The following GBA2 variants were observed in gnomAD, a reference collection of about 807,000 sequenced individuals.
GBA2 encodes the protein glucosylceramidase beta 2.
GBA2 carries 79 observed loss-of-function variants against 112.9 expected under a neutral mutation model. That is an observed-to-expected ratio of 0.70 (90% CI 0.58 to 0.84). GBA2 has a LOEUF of 0.84. GBA2 is among the 40% of genes least tolerant of loss of function. GBA2 has a pLI of 0.00. For missense variants in GBA2, 1,043 were observed against 1,190.0 expected, an observed-to-expected ratio of 0.88 and a Z score of 1.82; for synonymous variants, 403 against 434.3, an observed-to-expected ratio of 0.93 and a Z score of 0.90.
Position 35,745,928 on chromosome 9 carries a change from T to C in GBA2, c.360-1222A>G, listed in dbSNP as rs111253668. 9.8e-3 allele frequency among the ~76,000 whole-genome samples: 1,496 copies of C among 152,306 alleles called. 11 individuals are homozygous for C. The highest frequency in any genetic ancestry group is 0.017 in the Middle Eastern group (5 of 294). ...AGTCCCAGTTTCCTCATCTACAAAA[T>C]GGGGATACCACCTGCTCTAGCTATC... On this transcript the variant is annotated intron_variant, in intron 1 of 16. Coordinates refer to ENST00000378103, the MANE Select transcript of GBA2 (RefSeq NM_020944.3).
At chr9:35,744,200 A>T (rs1168421746) in intron 3 of GBA2, 97 bp downstream of exon 3, 1 of 731,438 alleles carries the variant, frequency 1.4e-6, no homozygotes. Flanking sequence ...ATTGAATCTT[A>T]TTCACATCTA....
chr9:35,737,589 A>G lies in GBA2; in HGVS notation c.2506-142T>C. The G allele has an allele frequency of 6.4e-7, 1 of 1,561,266 alleles. No homozygotes were observed. Among genetic ancestry groups the G allele is most frequent in the Non-Finnish European group, 8.7e-7 (1 of 1,151,500 alleles). On this transcript the variant is annotated intron_variant, in intron 16 of 16. Coordinates refer to ENST00000378103, the MANE Select transcript of GBA2 (RefSeq NM_020944.3). The surrounding 1 kb of genome is among the most constrained non-coding windows in gnomAD (Gnocchi z 4.1). ...GAGATAACTATGACCCACAGACAGA[A>G]GCCTGAAGGCAGGAGCTGGAATGCA...
Position 35,739,663 on chromosome 9 carries a change from G to T in GBA2, c.1547C>A (p.Thr516Asn), listed in dbSNP as rs760188888. 1 of 1,614,148 alleles carries T rather than the reference G, an allele frequency of 6.2e-7. No homozygotes were observed. Among genetic ancestry groups the T allele is most frequent in the Non-Finnish European group, 8.5e-7 (1 of 1,180,012 alleles). ...LGRNMCHLRP[T>N]LRDYGRFGYL... ...GCCAAATCGACCGTAGTCCCGTAGG[G>T]TGGGGCGGAGGTGACACATGTTTCT... is the stretch of plus-strand genomic sequence containing the variant. Residue 516 changes from threonine (T) to asparagine (N), a missense_variant, in exon 9 of 17, where the codon ACC becomes AAC. Thr to Asn is a moderately conservative substitution (Grantham distance 65). Transcript: ENST00000378103.
Position 35,739,011 on chromosome 9 carries a change from C to T in GBA2, c.1786G>A (p.Gly596Arg). The change falls in exon 11 of 17, where the codon GGG becomes AGG. Residue 596 changes from glycine (G) to arginine (R), a missense_variant. Physicochemically the swap from Gly to Arg is moderately radical, Grantham distance 125. Transcript: ENST00000378103. ...TGGGGTGGACTTTTACCTGGGTCCC[C>T]AATATCATGGGGGATGACGTTCCTC... ...KRRNVIPHDIGDPDDEPWLRV... is the reference protein window; with the variant it reads ...KRRNVIPHDIRDPDDEPWLRV... 1.2e-6 allele frequency: 2 copies of T among 1,612,154 alleles called. No individual in the cohort carries two copies. Among genetic ancestry groups the T allele is most frequent in the East Asian group, 4.5e-5 (2 of 44,848 alleles).
rs1327339407 is a variant in GBA2 at position 35,737,532 on chromosome 9, CTT to C, written c.2506-87_2506-86del. On this transcript the variant is annotated intron_variant, in intron 16 of 16. Transcript: ENST00000378103. The surrounding 1 kb of genome is among the most constrained non-coding windows in gnomAD (Gnocchi z 4.1). Reference sequence around the variant, plus strand: ...ACTGGATAGATGGAGGCAGTAGAGTCTTTGCCTTCAAGGAGCTCCCAGCAAGT... The same window carrying C: ...ACTGGATAGATGGAGGCAGTAGAGTCTGCCTTCAAGGAGCTCCCAGCAAGT... 1 of 1,564,032 alleles carries C rather than the reference CTT, an allele frequency of 6.4e-7. No individual in the cohort carries two copies. Among genetic ancestry groups the C allele is most frequent in the Admixed American group, 1.9e-5 (1 of 52,170 alleles).
At chr9:35,748,121 C>T (rs1827081394) in intron 1 of GBA2, among the ~76,000 whole-genome samples, 1 of 152,242 alleles carries the variant, frequency 6.6e-6, no homozygotes, top group Non-Finnish European at 1.5e-5. Context: ...AATGTTCCTA[C>T]CCTTTCCTTC....
rs958914312 is a variant in GBA2 at position 35,741,424 on chromosome 9, A to G, written c.786+248T>C. On this transcript the variant is annotated intron_variant, in intron 4 of 16. Transcript: ENST00000378103. The surrounding 1 kb of genome is among the most constrained non-coding windows in gnomAD (Gnocchi z 4.6). ...ATTATCCTGCCTCAGCCTCCCGAGT[A>G]GCTGGGACTACAGGTGCCTGCCACA... 1.1e-5 allele frequency: 6 copies of G among 539,180 alleles called. No individual in the cohort carries two copies. Among genetic ancestry groups the G allele is most frequent in the Non-Finnish European group, 2.0e-5 (6 of 300,300 alleles). The allele number at this position is 539,180 out of a possible 1,614,324, so 33.4% of individuals were successfully genotyped here. A position where few individuals can be genotyped will look rare whatever the true frequency, so the allele number is the denominator to read the frequency against.
chr9:35,744,966 C>T (rs1156731413), intron 1 of GBA2, among the ~76,000 whole-genome samples: 6 of 152,124 alleles, frequency 3.9e-5, no homozygotes, highest in Non-Finnish European at 8.8e-5. Context: ...TCTCTAGCAC[C>T]ACCACCACTG....
chr9:35,744,262 G>T, intron 3 of GBA2, 35 bp downstream of exon 3: 2 of 1,172,016 alleles, frequency 1.7e-6, no homozygotes, highest in South Asian at 1.2e-5. Context: ...GCCTGGGGAG[G>T]TATTGTCCTG....
intron 3 of GBA2, among the ~76,000 whole-genome samples, chr9:35,743,744 G>A (rs770275069): frequency 2.0e-5 from 3 of 152,222 alleles, no homozygotes; most frequent in Non-Finnish European, 2.9e-5. Flanking sequence ...AAGGAAAAAA[G>A]TGAAGCTTCA....
intron 3 of GBA2, chr9:35,742,128 C>T: frequency 1.8e-6 from 1 of 566,998 alleles, no homozygotes; most frequent in East Asian, 3.0e-5. Flanking sequence ...CACTTAAGCC[C>T]AATCTCCTGC....
Position 35,741,182 on chromosome 9 carries a change from C to G in GBA2, c.787-118G>C, listed in dbSNP as rs1391540698. The G allele has an allele frequency of 9.5e-7, 1 of 1,057,354 alleles. No individual in the cohort carries two copies. The highest frequency in any genetic ancestry group is 1.4e-6 in the Non-Finnish European group (1 of 730,892). 65.5% of individuals were successfully genotyped at this position (1,057,354 alleles called of 1,614,324 possible). On this transcript the variant is annotated intron_variant, in intron 4 of 16. Transcript: ENST00000378103. The surrounding 1 kb of genome is among the most constrained non-coding windows in gnomAD (Gnocchi z 4.6). ...CTCAAATACTCCCCAGTGTACTCTT[C>G]TTTTGTCCACTTGCATCTCCCCATA...
At chr9:35,744,483 T>G in intron 2 of GBA2, 71 bp from the exon 3 acceptor site, 1 of 1,083,654 alleles carries the variant, frequency 9.2e-7, no homozygotes, top group Non-Finnish European at 1.4e-6. Context: ...TTCTAGACTA[T>G]AAAGCCTGGT....
At position 35,740,250 on chromosome 9, in the gene GBA2, C is replaced by T. The variant is rs779737599; in HGVS notation, c.1242G>A (p.Met414Ile). 2.5e-6 allele frequency: 4 copies of T among 1,614,038 alleles called. No individual in the cohort carries two copies. The highest frequency in any genetic ancestry group is 1.3e-5 in the African/African-American group (1 of 74,912). ...CRLEFSLAWD[M>I]PRIMFGAKGQ... The stretch of plus-strand genomic sequence containing the variant: ...CTTTAGCTCCAAACATGATCCTGGG[C>T]ATGTCCCAAGCCAGTGAAAACTCCA... Residue 414 changes from methionine to isoleucine, a missense_variant, in exon 7 of 17, where the codon ATG becomes ATA. Physicochemically the swap from Met to Ile is conservative, Grantham distance 10. Coordinates refer to ENST00000378103, the MANE Select transcript of GBA2 (RefSeq NM_020944.3). The surrounding 1 kb of genome is among the most constrained non-coding windows in gnomAD (Gnocchi z 4.7).
chr9:35,745,295 T>G (rs1162876201), intron 1 of GBA2, among the ~76,000 whole-genome samples: 1 of 152,014 alleles, frequency 6.6e-6, no homozygotes, highest in Non-Finnish European at 1.5e-5. Context: ...GCACATTTTT[T>G]TGTGTTTTTA....
rs1439382530 is a variant in GBA2 at position 35,739,335 on chromosome 9, A to G, written c.1667T>C (p.Leu556Pro). 3 of 1,611,788 alleles carry G rather than the reference A, an allele frequency of 1.9e-6. No homozygotes were observed. Among genetic ancestry groups the G allele is most frequent in the Admixed American group, 3.3e-5 (2 of 60,016 alleles). Reference protein sequence around the residue: ...ALIMLWPKLELSLQYDMALAT... With the variant: ...ALIMLWPKLEPSLQYDMALAT... ...CTCACCCATGTCATACTGTAGGCTG[A>G]GCTCAAGTTTGGGCCAGAGCATGAT... Residue 556 changes from leucine (L) to proline (P), a missense_variant, in exon 10 of 17, where the codon CTC becomes CCC. Physicochemically the swap from Leu to Pro is moderately conservative, Grantham distance 98. Coordinates refer to ENST00000378103, the MANE Select transcript of GBA2 (RefSeq NM_020944.3).
In GBA2 at chr9:35,739,269, G is replaced by A. The variant is rs774410024; in HGVS notation, c.1687+46C>T. The A allele has an allele frequency of 3.9e-6, 5 of 1,292,302 alleles. No individual in the cohort carries two copies. The Admixed American group carries it at 8.4e-5, about 22-fold the overall frequency. The allele number at this position is 1,292,302 out of a possible 1,614,324, so 80.1% of individuals were successfully genotyped here. ...TCTGAGGGACCACAGAAGTTCGGGGGTATGGGGAGCCAAGAGGGCAGAAGC... is the reference window on the plus strand; with the variant it reads ...TCTGAGGGACCACAGAAGTTCGGGGATATGGGGAGCCAAGAGGGCAGAAGC... On this transcript the variant is annotated intron_variant, in intron 10 of 16. Transcript: ENST00000378103.
In GBA2 at chr9:35,741,614, G is replaced by T. The variant is rs1200138927; in HGVS notation, c.786+58C>A. On this transcript the variant is annotated intron_variant, in intron 4 of 16. Transcript: ENST00000378103. This position sits in a 1 kb window ranked among gnomAD's most constrained non-coding sequence, Gnocchi z 4.6. ...CGCCTCGCAGGCCATGCAGTTTCTA[G>T]CAGAGGCAGGTCCTGGGGAAGGGAG... The T allele has an allele frequency of 1.1e-5, 13 of 1,172,256 alleles. No homozygotes were observed. Among genetic ancestry groups the T allele is most frequent in the Non-Finnish European group, 1.3e-5 (10 of 777,308 alleles). 72.6% of individuals were successfully genotyped at this position (1,172,256 alleles called of 1,614,324 possible). A position where few individuals can be genotyped will look rare whatever the true frequency, so the allele number is the denominator to read the frequency against.
rs779425221 is a variant in GBA2, at chr9:35,740,774, GGGTGGA to G, written c.1026+45_1026+50del. 17 of 1,602,862 alleles carry G rather than the reference GGGTGGA, an allele frequency of 1.1e-5. No individual in the cohort carries two copies. Among genetic ancestry groups the G allele is most frequent in the Admixed American group, 1.7e-5 (1 of 59,718 alleles). On this transcript the variant is annotated intron_variant, in intron 5 of 16. Transcript: ENST00000378103. This position sits in a 1 kb window ranked among gnomAD's most constrained non-coding sequence, Gnocchi z 4.7. ...GAGGGTGGATGAAGAGACCATGCTGGGGTGGAGGTGGGGTTCAGGGGCTAAGGTATA... is the reference window on the plus strand; with the variant it reads ...GAGGGTGGATGAAGAGACCATGCTGGGGTGGGGTTCAGGGGCTAAGGTATA...
Sources: gnomAD v4.1 joint callset for allele counts (sites outside exome capture counted in the v4.1 genomes callset) on GRCh38, gnomAD v4.1.1 for gene constraint, Gnocchi (gnomAD v3.1) non-coding constraint, MANE v1.5 for transcripts, NCBI Gene and HGNC (gene_info 2026-07-23, HGNC 2026-07-21) for gene names.